CTLA4: variants seen among roughly 807,000 people sequenced by gnomAD.
CTLA4 encodes cytotoxic T-lymphocyte associated protein 4, also known as cytotoxic T-lymphocyte protein 4.
CTLA4 carries 3 observed loss-of-function variants against 20.4 expected under a neutral mutation model. The ratio of observed to expected loss-of-function variants is 0.15; its 90% CI spans 0.07 to 0.38. The LOEUF (loss-of-function observed/expected upper bound fraction) is 0.38. Ranked by LOEUF, CTLA4 falls within the 10% of genes least tolerant of loss-of-function variation. The pLI, the probability that CTLA4 is intolerant of heterozygous loss-of-function variation, is 1.00. For missense variants in CTLA4, 184 were observed against 276.8 expected (o/e 0.66, Z 2.38); for synonymous variants, 100 against 105.2 (o/e 0.95, Z 0.30).
Position 203,872,826 on chromosome 2 carries a change from A to T in CTLA4, c.*14A>T. 6.7e-7 allele frequency: 1 copy of T among 1,486,038 alleles called. No individual in the cohort carries two copies. Among genetic ancestry groups the T allele is most frequent in the Non-Finnish European group, 9.4e-7 (1 of 1,064,050 alleles). The allele number at this position is 1,486,038 out of a possible 1,614,324, so 92.1% of individuals were successfully genotyped here. A position where few individuals can be genotyped will look rare whatever the true frequency, so the allele number is the denominator to read the frequency against. On this transcript the variant is annotated 3_prime_UTR_variant, in exon 4 of 4. Transcript: ENST00000648405. ...CCCATCAATTGAGAAACCATTATGAAGAAGAGAGTCCATATTTCAATTTCC... is the reference window on the plus strand; with the variant it reads ...CCCATCAATTGAGAAACCATTATGATGAAGAGAGTCCATATTTCAATTTCC...
In CTLA4 at chr2:203,871,438, G is replaced by T; in HGVS notation, c.518G>T (p.Gly173Val). The T allele has an allele frequency of 1.2e-6, 2 of 1,614,124 alleles. No homozygotes were observed. The highest frequency in any genetic ancestry group is 1.7e-6 in the Non-Finnish European group (2 of 1,180,014). Residue 173 changes from glycine to valine, a missense_variant, in exon 3 of 4, where the codon GGG (glycine) becomes GTG (valine). By Grantham distance (109) the Gly-to-Val change is moderately radical. Transcript: ENST00000648405. ...LLWILAAVSSGLFFYSFLLTA... is the reference protein window; with the variant it reads ...LLWILAAVSSVLFFYSFLLTA... ...TGGATCCTTGCAGCAGTTAGTTCGGGGTTGTTTTTTTATAGCTTTCTCCTC... is the reference window on the plus strand; with the variant it reads ...TGGATCCTTGCAGCAGTTAGTTCGGTGTTGTTTTTTTATAGCTTTCTCCTC...
At chr2:203,868,101 T>C (rs1334650246) in intron 1 of CTLA4, 50 bp downstream of exon 1, 1 of 1,392,504 alleles carries the variant, frequency 7.2e-7, no homozygotes, top group Non-Finnish European at 1.0e-6. Flanking sequence ...TTCTCCTACC[T>C]GGGTTTCATT....
At chr2:203,868,468 T>C (rs1433524358) in intron 1 of CTLA4, among the ~76,000 whole-genome samples, 1 of 152,204 alleles carries the variant, frequency 6.6e-6, no homozygotes, top group Non-Finnish European at 1.5e-5. Flanking sequence ...AGAGTTTTTT[T>C]GCTATACAAT....
intron 2 of CTLA4, 68 bp from the exon 3 acceptor site, chr2:203,871,310 A>G (rs1581574227): frequency 5.1e-6 from 7 of 1,371,406 alleles, no homozygotes; most frequent in African/African-American, 2.9e-5. Context: ...TTTTTCACCA[A>G]TGTTGGGGAG....
chr2:203,872,660 CTTCCGTATTCCTCAGTAGTAATTACTGT>C lies in CTLA4; in HGVS notation c.568-44_568-17del. ...TGAGTTCTATTATGGTTAGAAGTGG[CTTCCGTATTCCTCAGTAGTAATTACTGT>C]TTCTTTTTGTGTTTGACAGCTAAAG... is the stretch of plus-strand genomic sequence containing the variant. On this transcript the variant is annotated intron_variant, in intron 3 of 3. Coordinates refer to ENST00000648405, the MANE Select transcript of CTLA4 (RefSeq NM_005214.5). 8.4e-7 allele frequency: 1 copy of C among 1,192,680 alleles called. No homozygotes were observed. Among genetic ancestry groups the C allele is most frequent in the South Asian group, 1.2e-5 (1 of 81,850 alleles). 73.9% of individuals were successfully genotyped at this position (1,192,680 alleles called of 1,614,324 possible). A position where few individuals can be genotyped will look rare whatever the true frequency, so the allele number is the denominator to read the frequency against.
rs140842959 is a variant in CTLA4 at position 203,868,341 on chromosome 2, A to G, written c.109+290A>G. ...ACAGGCAATTTCAGACCCTTCTATG[A>G]GACTGGAAGTGATTTAAGAGGGAAA... On this transcript the variant is annotated intron_variant, in intron 1 of 3. Transcript: ENST00000648405. Among the ~76,000 whole-genome samples, 901 of 152,274 alleles carry G rather than the reference A, an allele frequency of 5.9e-3. 11 individuals carry two copies. The highest frequency in any genetic ancestry group is 0.021 in the African/African-American group (857 of 41,524).
chr2:203,871,941 G>A (rs1329452235), intron 3 of CTLA4, among the ~76,000 whole-genome samples: 1 of 152,124 alleles, frequency 6.6e-6, no homozygotes, highest in African/African-American at 2.4e-5. Context: ...CTTCCTTGTC[G>A]AAGCTGTAGC....
rs768081040 is a variant in CTLA4 at position 203,870,572 on chromosome 2, C to T, written c.110-14C>T. The T allele has an allele frequency of 5.6e-6, 9 of 1,609,952 alleles. No homozygotes were observed. The highest frequency in any genetic ancestry group is 1.3e-5 in the African/African-American group (1 of 74,844). On this transcript the variant is annotated splice_polypyrimidine_tract_variant and intron_variant, in intron 1 of 3. Transcript: ENST00000648405. This position sits in a 1 kb window ranked among gnomAD's most constrained non-coding sequence, Gnocchi z 5.3. ...CATGAGTTCACTGAGTTCCCTTTGG[C>T]TTTTCCATGCTAGCAATGCACGTGG...
Position 203,870,805 on chromosome 2 carries a change from A to G in CTLA4, c.329A>G (p.Asn110Ser). The change falls in exon 2 of 4, where the codon AAT (asparagine) becomes AGT (serine). Residue 110 changes from asparagine to serine, a missense_variant. By Grantham distance (46) the Asn-to-Ser change is conservative. Coordinates refer to ENST00000648405, the MANE Select transcript of CTLA4 (RefSeq NM_005214.5). This position sits in a 1 kb window ranked among gnomAD's most constrained non-coding sequence, Gnocchi z 5.3. Reference sequence around the variant, plus strand: ...ATCTGCACGGGCACCTCCAGTGGAAATCAAGTGAACCTCACTATCCAAGGA... The same window carrying G: ...ATCTGCACGGGCACCTCCAGTGGAAGTCAAGTGAACCTCACTATCCAAGGA... ...DSICTGTSSG[N>S]QVNLTIQGLR... is the part of the protein sequence containing the mutation. 1.2e-6 allele frequency: 2 copies of G among 1,614,206 alleles called. No individual in the cohort carries two copies. Among genetic ancestry groups the G allele is most frequent in the Non-Finnish European group, 1.7e-6 (2 of 1,180,034 alleles).
Position 203,867,798 on chromosome 2 carries a change from T to G in CTLA4, c.-145T>G. On this transcript the variant is annotated 5_prime_UTR_variant, in exon 1 of 4. Coordinates refer to ENST00000648405, the MANE Select transcript of CTLA4 (RefSeq NM_005214.5). ...TTTCTATTCAAGTGCCTTCTGTGTG[T>G]GCACATGTGTAATACATATCTGGGA... The G allele has an allele frequency of 1.8e-6, 1 of 564,208 alleles. No homozygotes were observed. The highest frequency in any genetic ancestry group is 2.7e-5 in the South Asian group (1 of 36,398). 35.0% of individuals were successfully genotyped at this position (564,208 alleles called of 1,614,324 possible).
chr2:203,873,850 GA>G lies in CTLA4; in HGVS notation c.*1040del. On this transcript the variant is annotated 3_prime_UTR_variant, in exon 4 of 4. Transcript: ENST00000648405. ...CAGCAGGTGGCAGAATGGGGTGCAT[GA>G]AGGTTTCTGAAAATTAACACTGCTT... is the stretch of plus-strand genomic sequence containing the variant. 4.3e-6 allele frequency: 1 copy of G among 230,836 alleles called. No homozygotes were observed. The highest frequency in any genetic ancestry group is 8.6e-6 in the Non-Finnish European group (1 of 116,272). 14.3% of individuals were successfully genotyped at this position (230,836 alleles called of 1,614,324 possible).
rs1465996030 is a variant in CTLA4, at chr2:203,870,274, G to A, written c.110-312G>A. On this transcript the variant is annotated intron_variant, in intron 1 of 3. Coordinates refer to ENST00000648405, the MANE Select transcript of CTLA4 (RefSeq NM_005214.5). The surrounding 1 kb of genome is among the most constrained non-coding windows in gnomAD (Gnocchi z 5.3). ...AAAAAATGAAGGACATGGGGGAAGT[G>A]TGACTTGCCCCAAATCACATATTTC... 7.3e-6 allele frequency: 3 copies of A among 408,610 alleles called. No homozygotes were observed. Among genetic ancestry groups the A allele is most frequent in the African/African-American group, 2.0e-5 (1 of 49,954 alleles). 25.3% of individuals were successfully genotyped at this position (408,610 alleles called of 1,614,324 possible). A position where few individuals can be genotyped will look rare whatever the true frequency, so the allele number is the denominator to read the frequency against.
At chr2:203,871,174 C>CA (rs1688724679) in intron 2 of CTLA4, among the ~76,000 whole-genome samples, 2 of 152,210 alleles carry the variant, frequency 1.3e-5, no homozygotes, top group South Asian at 4.1e-4. Flanking sequence ...ACCATCATGA[C>CA]GTTTGATCTG....
At chr2:203,872,427 A>G (rs1309285234) in intron 3 of CTLA4, among the ~76,000 whole-genome samples, 1 of 152,214 alleles carries the variant, frequency 6.6e-6, no homozygotes, top group East Asian at 1.9e-4. Flanking sequence ...ATCAATTATC[A>G]TAGGCTTTCT....
At chr2:203,871,309 A>T (rs1688727826) in intron 2 of CTLA4, 69 bp from the exon 3 acceptor site, 1 of 1,351,644 alleles carries the variant, frequency 7.4e-7, no homozygotes, top group Admixed American at 1.8e-5. Context: ...TTTTTTCACC[A>T]ATGTTGGGGA....
chr2:203,869,262 A>G (rs1291124447), intron 1 of CTLA4, among the ~76,000 whole-genome samples: 1 of 152,254 alleles, frequency 6.6e-6, no homozygotes, highest in Non-Finnish European at 1.5e-5. Context: ...TAGCTCACAA[A>G]TAACTTTAAT....
In CTLA4 at chr2:203,870,454, G is replaced by A. The variant is rs149674062; in HGVS notation, c.110-132G>A. On this transcript the variant is annotated intron_variant, in intron 1 of 3. Coordinates refer to ENST00000648405, the MANE Select transcript of CTLA4 (RefSeq NM_005214.5). This position sits in a 1 kb window ranked among gnomAD's most constrained non-coding sequence, Gnocchi z 5.3. ...AGGCTGGGGGTGTGGAGAGGGGAAG[G>A]GGTAAGTGATAGATTCGTTGAAGGG... 1,298 of 835,110 alleles carry A rather than the reference G, an allele frequency of 1.6e-3. 17 individuals are homozygous for A. In the African/African-American group the frequency reaches 0.02, roughly 13 times the overall value. 51.7% of individuals were successfully genotyped at this position (835,110 alleles called of 1,614,324 possible).
In CTLA4 at chr2:203,871,442, GT is replaced by G; in HGVS notation, c.529del (p.Tyr177IlefsTer10). 1 of 1,614,132 alleles carries G rather than the reference GT, an allele frequency of 6.2e-7. No homozygotes were observed. Among genetic ancestry groups the G allele is most frequent in the Non-Finnish European group, 8.5e-7 (1 of 1,180,006 alleles). ...WILAAVSSGL[F>X]FYSFLLTAVS... is the part of the protein sequence containing the mutation. ...TCCTTGCAGCAGTTAGTTCGGGGTT[GT>G]TTTTTTATAGCTTTCTCCTCACAGC... On this transcript the variant is annotated frameshift_variant, in exon 3 of 4. Coordinates refer to ENST00000648405, the MANE Select transcript of CTLA4 (RefSeq NM_005214.5). LOFTEE classifies it high-confidence loss of function.
chr2:203,867,829 G>A lies in CTLA4; in HGVS notation c.-114G>A, dbSNP rs1254013363. ...TGTGTAATACATATCTGGGATCAAAGCTATCTATATAAAGTCCTTGATTCT... is the reference window on the plus strand; with the variant it reads ...TGTGTAATACATATCTGGGATCAAAACTATCTATATAAAGTCCTTGATTCT... On this transcript the variant is annotated 5_prime_UTR_variant, in exon 1 of 4. Coordinates refer to ENST00000648405, the MANE Select transcript of CTLA4 (RefSeq NM_005214.5). 7.5e-6 allele frequency: 5 copies of A among 668,990 alleles called. No homozygotes were observed. The Admixed American group carries it at 1.4e-4, about 19-fold the overall frequency. 41.4% of individuals were successfully genotyped at this position (668,990 alleles called of 1,614,324 possible).
Sources: gnomAD v4.1 joint callset for allele counts (sites outside exome capture counted in the v4.1 genomes callset) on GRCh38, gnomAD v4.1.1 for gene constraint, Gnocchi (gnomAD v3.1) non-coding constraint, MANE v1.5 for transcripts, NCBI Gene and HGNC (gene_info 2026-07-23, HGNC 2026-07-21) for gene names.